RHOBTB1: variants seen among roughly 807,000 people sequenced by gnomAD.
The protein encoded by RHOBTB1 is Rho related BTB domain containing 1, also known as rho-related BTB domain-containing protein 1.
Under a neutral mutation model 71.6 loss-of-function variants are expected in RHOBTB1, and 40 were observed. That is an observed-to-expected ratio of 0.56 (90% CI 0.43 to 0.73). The LOEUF is 0.73. Among genes scored for constraint, RHOBTB1 ranks in the 30% least tolerant of loss-of-function variants. The pLI, the probability that RHOBTB1 is intolerant of heterozygous loss-of-function variation, is 0.00. For missense variants in RHOBTB1, 797 were observed against 894.0 expected, an observed-to-expected ratio of 0.89 and a Z score of 1.38; for synonymous variants, 319 against 334.9, an observed-to-expected ratio of 0.95 and a Z score of 0.52.
intron 4 of RHOBTB1, among the ~76,000 whole-genome samples, chr10:60,906,226 C>T (rs1056969204): frequency 1.1e-4 from 16 of 152,172 alleles, no homozygotes; most frequent in Non-Finnish European, 2.2e-4. Context: ...TGCCAAGATT[C>T]CCATTCACTC....
chr10:60,886,008 C>T, intron 7 of RHOBTB1, 104 bp downstream of exon 7: 1 of 803,722 alleles, frequency 1.2e-6, no homozygotes, highest in Non-Finnish European at 2.2e-6. Flanking sequence ...CTCATGGAGC[C>T]AGTTTAAGGA....
intron 2 of RHOBTB1, among the ~76,000 whole-genome samples, chr10:60,974,017 T>C (rs1000475161): frequency 2.0e-5 from 3 of 152,084 alleles, no homozygotes; most frequent in Non-Finnish European, 2.9e-5. Flanking sequence ...TTGGTGTCTG[T>C]TATTCTTTAG....
intron 2 of RHOBTB1, among the ~76,000 whole-genome samples, chr10:60,965,878 C>T (rs1021635301): frequency 2.6e-5 from 4 of 151,242 alleles, no homozygotes; most frequent in East Asian, 1.9e-4. Context: ...TTTCATTGTT[C>T]GAAAATTTGA....
chr10:60,882,767 T>C (rs1460303459), intron 7 of RHOBTB1, among the ~76,000 whole-genome samples: 1 of 152,172 alleles, frequency 6.6e-6, no homozygotes, highest in East Asian at 1.9e-4. Flanking sequence ...CCTACAACTA[T>C]AACCACCTGT....
rs887503007 is a variant in RHOBTB1 at position 60,870,561 on chromosome 10, T to C, written c.*921A>G. 1.3e-5 allele frequency: 2 copies of C among 152,160 alleles called. No individual in the cohort carries two copies. Among genetic ancestry groups the C allele is most frequent in the East Asian group, 3.9e-4 (2 of 5,190 alleles). 9.4% of individuals were successfully genotyped at this position (152,160 alleles called of 1,614,324 possible). A position where few individuals can be genotyped will look rare whatever the true frequency, so the allele number is the denominator to read the frequency against. ...GGCAGGAGGGAGTCCAGGGACCTTT[T>C]CCCTTGCCCATCTCAATTCAAGTCA... On this transcript the variant is annotated 3_prime_UTR_variant, in exon 11 of 11. Coordinates refer to ENST00000337910, the MANE Select transcript of RHOBTB1 (RefSeq NM_014836.5).
chr10:60,919,703 A>G (rs949970388), intron 2 of RHOBTB1, among the ~76,000 whole-genome samples: 1 of 152,228 alleles, frequency 6.6e-6, no homozygotes, highest in African/African-American at 2.4e-5. Context: ...ATGGATGCAA[A>G]TACTACAGAA....
At chr10:60,911,920 C>T (rs993858726) in intron 2 of RHOBTB1, among the ~76,000 whole-genome samples, 3 of 152,130 alleles carry the variant, frequency 2.0e-5, no homozygotes, top group Admixed American at 6.5e-5. Context: ...CTAGCAAGTC[C>T]GGTCACCTGT....
At chr10:60,975,641 T>C (rs2086290378) in intron 2 of RHOBTB1, among the ~76,000 whole-genome samples, 1 of 152,110 alleles carries the variant, frequency 6.6e-6, no homozygotes, top group Non-Finnish European at 1.5e-5. Context: ...TGAAAAATCA[T>C]GAATACCTGA....
chr10:60,874,832 G>A, intron 9 of RHOBTB1, 122 bp downstream of exon 9: 1 of 717,576 alleles, frequency 1.4e-6, no homozygotes, highest in South Asian at 1.6e-5. Context: ...AGTGTACACA[G>A]GGGGACTCTG....
At chr10:60,970,692 C>G (rs2086122645) in intron 2 of RHOBTB1, among the ~76,000 whole-genome samples, 1 of 151,972 alleles carries the variant, frequency 6.6e-6, no homozygotes, top group African/African-American at 2.4e-5. Context: ...TTTAACAGTT[C>G]CGTGGTCAGA....
rs374290142 is a variant in RHOBTB1, at chr10:60,875,058, G to C, written c.1727-16C>G. The C allele has an allele frequency of 3.1e-6, 5 of 1,608,274 alleles. No individual in the cohort carries two copies. Among genetic ancestry groups the C allele is most frequent in the Non-Finnish European group, 3.4e-6 (4 of 1,174,766 alleles). ...GCATGCTGTTCTGGGGAAGAGAGAG[G>C]GGGCAGGAGAACATTAAACCACGCC... On this transcript the variant is annotated splice_polypyrimidine_tract_variant and intron_variant, in intron 8 of 10. Coordinates refer to ENST00000337910, the MANE Select transcript of RHOBTB1 (RefSeq NM_014836.5).
chr10:60,928,665 G>C (rs1265607770), intron 2 of RHOBTB1, among the ~76,000 whole-genome samples: 1 of 151,842 alleles, frequency 6.6e-6, no homozygotes, highest in African/African-American at 2.4e-5. Context: ...ATGGTTAGTG[G>C]GTAAAAAATA....
intron 2 of RHOBTB1, among the ~76,000 whole-genome samples, chr10:60,958,107 C>T (rs2085656908): frequency 6.6e-6 from 1 of 152,142 alleles, no homozygotes; most frequent in Non-Finnish European, 1.5e-5. Flanking sequence ...GTACACAAAA[C>T]AGCCAACGTC....
intron 2 of RHOBTB1, among the ~76,000 whole-genome samples, chr10:60,922,862 T>A (rs749042013): frequency 7.9e-5 from 12 of 152,232 alleles, no homozygotes; most frequent in Non-Finnish European, 1.5e-4. Flanking sequence ...TAGAACTGAT[T>A]GATCTTCTGG....
chr10:60,959,169 T>TA (rs1378966214), intron 2 of RHOBTB1, among the ~76,000 whole-genome samples: 3 of 152,026 alleles, frequency 2.0e-5, no homozygotes, highest in African/African-American at 7.2e-5. Flanking sequence ...CATCTGTGAC[T>TA]AAAAAAATAC....
chr10:60,894,203 A>G (rs1266828510), intron 4 of RHOBTB1, among the ~76,000 whole-genome samples: 1 of 152,226 alleles, frequency 6.6e-6, no homozygotes, highest in Non-Finnish European at 1.5e-5. Context: ...TGCAATGCAG[A>G]AAACTGCAGG....
chr10:60,999,705 A>G (rs1255413153), intron 1 of RHOBTB1, among the ~76,000 whole-genome samples: 1 of 152,242 alleles, frequency 6.6e-6, no homozygotes, highest in Admixed American at 6.5e-5. Flanking sequence ...TATTTCATGG[A>G]TTAGACTGGA....
At chr10:60,872,350 AT>A in intron 9 of RHOBTB1, 60 bp from the exon 10 acceptor site, 3 of 1,213,304 alleles carry the variant, frequency 2.5e-6, no homozygotes, top group South Asian at 2.4e-5. Context: ...CTACAAAGAA[AT>A]TGGGGAAGCC....
chr10:60,938,080 C>T (rs2084692312), intron 2 of RHOBTB1, among the ~76,000 whole-genome samples: 1 of 152,156 alleles, frequency 6.6e-6, no homozygotes, highest in African/African-American at 2.4e-5. Flanking sequence ...AGAAAGACAG[C>T]TTGGAAGGGT....
Sources: gnomAD v4.1 joint callset for allele counts (sites outside exome capture counted in the v4.1 genomes callset) on GRCh38, gnomAD v4.1.1 for gene constraint, MANE v1.5 for transcripts, NCBI Gene and HGNC (gene_info 2026-07-23, HGNC 2026-07-21) for gene names.